Variants in PDE4B observed in about 807,000 individuals in gnomAD.
PDE4B encodes the protein phosphodiesterase 4B.
Under a neutral mutation model 82.2 loss-of-function variants are expected in PDE4B, and 20 were observed. The observed-to-expected ratio is 0.24, with a 90% CI of 0.17 to 0.35. The LOEUF is 0.35. Ranked by LOEUF, PDE4B falls within the 10% of genes least tolerant of loss-of-function variation. The probability of loss-of-function intolerance (pLI) is 1.00; values close to 1 mark genes in which losing one functional copy is unlikely to be tolerated. For synonymous variants in PDE4B, 320 were observed against 318.9 expected (o/e 1.00, Z -0.04); for missense variants, 655 against 907.2 (o/e 0.72, Z 3.57).
intron 3 of PDE4B, among the ~76,000 whole-genome samples, chr1:66,063,377 T>A: frequency 6.6e-6 from 1 of 152,062 alleles, no homozygotes; most frequent in East Asian, 1.9e-4. Context: ...TGATATAATT[T>A]ATCTACAGTG....
intron 1 of PDE4B, among the ~76,000 whole-genome samples, chr1:65,859,502 G>T (rs1646430145): frequency 6.6e-6 from 1 of 151,992 alleles, no homozygotes; most frequent in Non-Finnish European, 1.5e-5. Context: ...CTTTTGTTTT[G>T]CAAAGTTATG....
At chr1:65,859,535 T>C (rs907989091) in intron 1 of PDE4B, among the ~76,000 whole-genome samples, 3 of 152,188 alleles carry the variant, frequency 2.0e-5, no homozygotes, top group Admixed American at 2.0e-4. Flanking sequence ...TTAATGATAT[T>C]TTAAAATTTG....
chr1:66,069,660 A>T (rs1180100684), intron 3 of PDE4B, among the ~76,000 whole-genome samples: 2 of 152,004 alleles, frequency 1.3e-5, no homozygotes, highest in Non-Finnish European at 2.9e-5. Context: ...TCAGATCTCA[A>T]GTCTACTGAG....
chr1:65,879,177 A>G (rs1376700234), intron 1 of PDE4B, among the ~76,000 whole-genome samples: 1 of 152,130 alleles, frequency 6.6e-6, no homozygotes, highest in East Asian at 1.9e-4. Context: ...TGAGATATGC[A>G]GTAGTCAAAA....
At chr1:66,093,691 A>G (rs936496656) in intron 3 of PDE4B, among the ~76,000 whole-genome samples, 5 of 152,084 alleles carry the variant, frequency 3.3e-5, no homozygotes, top group African/African-American at 1.2e-4. Flanking sequence ...ATTTAAATAG[A>G]ACCACTTATT....
chr1:66,003,138 T>C (rs1472481001), intron 3 of PDE4B, among the ~76,000 whole-genome samples: 1 of 152,110 alleles, frequency 6.6e-6, no homozygotes, highest in Non-Finnish European at 1.5e-5. Context: ...GCATGTGGGT[T>C]AGTAAAGAAG....
chr1:65,970,355 C>T (rs765713742), intron 3 of PDE4B, among the ~76,000 whole-genome samples: 3 of 152,008 alleles, frequency 2.0e-5, no homozygotes, highest in African/African-American at 4.8e-5. Flanking sequence ...GCTAGACTAC[C>T]TTCTTTCCTA....
chr1:65,983,355 T>A (rs1302326524), intron 3 of PDE4B, among the ~76,000 whole-genome samples: 1 of 152,020 alleles, frequency 6.6e-6, no homozygotes, highest in Non-Finnish European at 1.5e-5. Flanking sequence ...GTGAATGTAT[T>A]TTGCATATGA....
intron 3 of PDE4B, among the ~76,000 whole-genome samples, chr1:66,205,159 A>C (rs1466036139): frequency 6.6e-6 from 1 of 152,222 alleles, no homozygotes; most frequent in African/African-American, 2.4e-5. Flanking sequence ...AAAGAGACTC[A>C]TGGGCCCAAC....
rs145764800 is a variant in PDE4B at position 66,052,722 on chromosome 1, C to T, written c.281+133887C>T. On this transcript the variant is annotated intron_variant, in intron 3 of 16. Coordinates refer to ENST00000341517, the MANE Select transcript of PDE4B (RefSeq NM_002600.4). ...GTGTAGGGTGGTATAGAGAGAGCAC[C>T]TATAACTCCTGTAATTCTGTCAACT... Among the ~76,000 whole-genome samples, 398 of 152,090 alleles carry T rather than the reference C, an allele frequency of 2.6e-3. 1 individual carries two copies. The highest frequency in any genetic ancestry group is 8.2e-3 in the African/African-American group (341 of 41,478).
intron 3 of PDE4B, among the ~76,000 whole-genome samples, chr1:66,099,294 G>T (rs1182545007): frequency 1.3e-5 from 2 of 152,088 alleles, no homozygotes; most frequent in Non-Finnish European, 2.9e-5. Context: ...CAAAGGACAT[G>T]ATCTCATTCT....
At chr1:66,109,478 T>A (rs931765098) in intron 3 of PDE4B, among the ~76,000 whole-genome samples, 2 of 151,362 alleles carry the variant, frequency 1.3e-5, no homozygotes, top group Non-Finnish European at 3.0e-5. Flanking sequence ...GAAAACAATT[T>A]AAAAAAAAAT....
At chr1:66,150,771 A>T (rs1646376249) in intron 3 of PDE4B, among the ~76,000 whole-genome samples, 1 of 152,024 alleles carries the variant, frequency 6.6e-6, no homozygotes, top group Non-Finnish European at 1.5e-5. Context: ...ATATGCTTTT[A>T]CTCTGTCTAT....
rs372300759 is a variant in PDE4B at position 66,155,795 on chromosome 1, T to C, written c.282-91665T>C. Among the ~76,000 whole-genome samples, 13 of 152,280 alleles carry C rather than the reference T, an allele frequency of 8.5e-5. No individual in the cohort carries two copies. The East Asian group carries it at 1.7e-3, about 20-fold the overall frequency. ...TGCCCTCATCTAATCTAACTTCAAA[T>C]GAGTTCTCTTTCCAACACATGAATC... On this transcript the variant is annotated intron_variant, in intron 3 of 16. Coordinates refer to ENST00000341517, the MANE Select transcript of PDE4B (RefSeq NM_002600.4).
intron 1 of PDE4B, among the ~76,000 whole-genome samples, chr1:65,866,923 CTGAG>C (rs1646518310): frequency 6.6e-6 from 1 of 152,178 alleles, no homozygotes; most frequent in African/African-American, 2.4e-5. Context: ...GTGAATATAA[CTGAG>C]TGTTTGCTTT....
At chr1:66,012,283 T>C (rs902006054) in intron 3 of PDE4B, among the ~76,000 whole-genome samples, 3 of 152,158 alleles carry the variant, frequency 2.0e-5, no homozygotes, top group African/African-American at 7.2e-5. Flanking sequence ...TAACATGTTC[T>C]CAAATTCTCT....
chr1:66,209,864 T>A (rs972448887), intron 3 of PDE4B, among the ~76,000 whole-genome samples: 1 of 152,246 alleles, frequency 6.6e-6, no homozygotes, highest in Non-Finnish European at 1.5e-5. Flanking sequence ...TAGTTCATTC[T>A]TTTTTATTAC....
intron 3 of PDE4B, among the ~76,000 whole-genome samples, chr1:66,097,783 C>G (rs1373960429): frequency 6.6e-6 from 1 of 150,412 alleles, no homozygotes; most frequent in Admixed American, 6.6e-5. Context: ...TTGTTTATTT[C>G]TCTATTGTTT....
chr1:66,206,622 CA>C (rs1345116165), intron 3 of PDE4B, among the ~76,000 whole-genome samples: 2 of 152,124 alleles, frequency 1.3e-5, no homozygotes, highest in Non-Finnish European at 2.9e-5. Flanking sequence ...ATTTTGTAAG[CA>C]GTTGGCTTGG....
Sources: gnomAD v4.1 joint callset for allele counts (sites outside exome capture counted in the v4.1 genomes callset) on GRCh38, gnomAD v4.1.1 for gene constraint, MANE v1.5 for transcripts, NCBI Gene and HGNC (gene_info 2026-07-23, HGNC 2026-07-21) for gene names.